The following STK39 variants were observed in gnomAD, a reference collection of about 807,000 sequenced individuals.
The protein encoded by STK39 is serine/threonine kinase 39.
In STK39, 20 loss-of-function variants were observed where a neutral mutation model predicts 77.8. The ratio of observed to expected loss-of-function variants is 0.26; its 90% CI spans 0.18 to 0.37. The LOEUF is 0.37. Among genes scored for constraint, STK39 ranks in the 10% least tolerant of loss-of-function variants. The pLI is 1.00. For synonymous variants in STK39, 246 were observed against 234.1 expected (o/e 1.05, Z -0.47); for missense variants, 479 against 656.5 (o/e 0.73, Z 2.95).
chr2:167,957,931 A>G (rs955778717), intron 17 of STK39, among the ~76,000 whole-genome samples: 3 of 152,180 alleles, frequency 2.0e-5, no homozygotes, highest in Non-Finnish European at 4.4e-5. Flanking sequence ...TGCCTCCCAT[A>G]GCTACACTGA....
At chr2:168,135,559 T>C (rs539036349) in intron 8 of STK39, among the ~76,000 whole-genome samples, 2 of 152,334 alleles carry the variant, frequency 1.3e-5, no homozygotes, top group East Asian at 3.9e-4. Flanking sequence ...AACTCTCCAA[T>C]GACAAAAGCA....
chr2:167,993,742 T>C (rs536219959), intron 16 of STK39, among the ~76,000 whole-genome samples: 63 of 152,344 alleles, frequency 4.1e-4, no homozygotes, highest in African/African-American at 1.4e-3. Context: ...TAATTGAAAG[T>C]GCAGTTTCTC....
intron 12 of STK39, among the ~76,000 whole-genome samples, chr2:168,065,888 T>C (rs571128180): frequency 1.2e-4 from 19 of 152,188 alleles, no homozygotes; most frequent in Non-Finnish European, 2.4e-4. Context: ...TTAAAAGATA[T>C]TAATGCTAAA....
chr2:168,024,654 T>C (rs1374637329), intron 14 of STK39, among the ~76,000 whole-genome samples: 5 of 152,196 alleles, frequency 3.3e-5, no homozygotes, highest in Non-Finnish European at 7.3e-5. Flanking sequence ...ACATTGCTGG[T>C]CATTACGAAT....
At chr2:168,142,890 C>T (rs1033311324) in intron 5 of STK39, among the ~76,000 whole-genome samples, 9 of 152,116 alleles carry the variant, frequency 5.9e-5, no homozygotes, top group African/African-American at 1.7e-4. Flanking sequence ...AGTAACAGAA[C>T]ATTTTGAGCA....
At chr2:167,995,946 T>G (rs1042552291) in intron 16 of STK39, among the ~76,000 whole-genome samples, 6 of 152,152 alleles carry the variant, frequency 3.9e-5, no homozygotes, top group African/African-American at 1.4e-4. Flanking sequence ...GCTCAGAGGG[T>G]GCTGGGCTTT....
At chr2:168,080,681 G>C (rs1300159332) in intron 10 of STK39, among the ~76,000 whole-genome samples, 1 of 152,130 alleles carries the variant, frequency 6.6e-6, no homozygotes, top group African/African-American at 2.4e-5. Flanking sequence ...CATCTCCAGG[G>C]CATGACAGAG....
intron 1 of STK39, among the ~76,000 whole-genome samples, chr2:168,195,312 A>C: frequency 6.6e-6 from 1 of 152,286 alleles, no homozygotes; most frequent in East Asian, 1.9e-4. Context: ...TGGTGGGAAG[A>C]TCGCTTGAGC....
chr2:168,061,340 A>G (rs1028199364), intron 14 of STK39, among the ~76,000 whole-genome samples: 3 of 152,186 alleles, frequency 2.0e-5, no homozygotes, highest in African/African-American at 7.2e-5. Flanking sequence ...ATACAAAAGG[A>G]ACACAAAATA....
At chr2:168,011,670 G>C (rs549677322) in intron 16 of STK39, among the ~76,000 whole-genome samples, 2 of 152,072 alleles carry the variant, frequency 1.3e-5, no homozygotes, top group East Asian at 3.9e-4. Context: ...AGGTCTATGG[G>C]TGGTTGCTTG....
intron 2 of STK39, among the ~76,000 whole-genome samples, chr2:168,177,567 AGAAGGAAGGACTGTTATATTTATG>A (rs1688984912): frequency 6.6e-6 from 1 of 152,222 alleles, no homozygotes; most frequent in Non-Finnish European, 1.5e-5. Context: ...TAGGGTAAAT[AGAAGGAAGGACTGTTATATTTATG>A]GAGTTCATTT....
chr2:168,074,075 G>A (rs1161803547), intron 12 of STK39, among the ~76,000 whole-genome samples: 3 of 152,150 alleles, frequency 2.0e-5, no homozygotes. Context: ...AGAGAAGGAT[G>A]AGAGGAAAGA....
intron 1 of STK39, among the ~76,000 whole-genome samples, chr2:168,240,255 C>T (rs1517323): frequency 0.19 from 28,413 of 152,146 alleles, 3,439 homozygotes; most frequent in Non-Finnish European, 0.27. Context: ...CCCAAAAGAC[C>T]TTAAACACTG....
At chr2:168,071,890 C>CA (rs1456993620) in intron 12 of STK39, among the ~76,000 whole-genome samples, 2 of 148,646 alleles carry the variant, frequency 1.3e-5, no homozygotes, top group African/African-American at 4.9e-5. Context: ...AAAAAAAATT[C>CA]AAAATCAGCA....
At chr2:168,217,503 C>T (rs1028708989) in intron 1 of STK39, among the ~76,000 whole-genome samples, 3 of 152,098 alleles carry the variant, frequency 2.0e-5, no homozygotes, top group African/African-American at 2.4e-5. Context: ...ACAGATTATC[C>T]GATCCTTGGC....
intron 16 of STK39, among the ~76,000 whole-genome samples, chr2:167,991,779 C>T (rs1007647459): frequency 7.2e-5 from 11 of 152,098 alleles, no homozygotes; most frequent in African/African-American, 1.9e-4. Flanking sequence ...TTAGAGGAAA[C>T]GGGTTAGGAC....
intron 5 of STK39, among the ~76,000 whole-genome samples, chr2:168,153,428 A>G (rs571948649): frequency 6.6e-6 from 1 of 152,312 alleles, no homozygotes; most frequent in Admixed American, 6.5e-5. Context: ...GAACCCTTAG[A>G]GGGCTTCTTA....
At chr2:168,199,262 C>G (rs1689550491) in intron 1 of STK39, among the ~76,000 whole-genome samples, 1 of 152,212 alleles carries the variant, frequency 6.6e-6, no homozygotes, top group South Asian at 2.1e-4. Flanking sequence ...AGCCCTGGAG[C>G]AGCACGTCAC....
chr2:167,977,645 A>G (rs949723295), intron 16 of STK39, among the ~76,000 whole-genome samples: 1 of 151,594 alleles, frequency 6.6e-6, no homozygotes, highest in Non-Finnish European at 1.5e-5. Context: ...TGTTTCTTTG[A>G]AAATGAGTAA....
Sources: allele counts gnomAD v4.1 joint callset (sites outside exome capture counted in the v4.1 genomes callset), GRCh38; gene constraint gnomAD v4.1.1; transcripts MANE v1.5; gene names NCBI Gene and HGNC (gene_info 2026-07-23, HGNC 2026-07-21).